SLC16A8: variants seen among roughly 807,000 people sequenced by gnomAD.
SLC16A8 encodes the protein monocarboxylate transporter 3.
Under a neutral mutation model 22.4 loss-of-function variants are expected in SLC16A8, and 20 were observed. That is an observed-to-expected ratio of 0.89 (90% CI 0.63 to 1.30). The LOEUF is 1.30. Among genes scored for constraint, SLC16A8 ranks in the 50% most tolerant of loss-of-function variants. The probability of loss-of-function intolerance (pLI) is 0.00; values close to 1 mark genes in which losing one functional copy is unlikely to be tolerated. For missense variants in SLC16A8, 817 were observed against 740.3 expected (o/e 1.10, Z -1.20); for synonymous variants, 393 against 358.8 (o/e 1.10, Z -1.08).
chr22:38,081,275 C>A lies in SLC16A8; in HGVS notation c.763G>T (p.Val255Leu), dbSNP rs1601970357. 3 of 1,578,970 alleles carry A rather than the reference C, an allele frequency of 1.9e-6. No homozygotes were observed. In the East Asian group the frequency reaches 7.0e-5, roughly 37 times the overall value. Residue 255 changes from valine (V) to leucine (L), a missense_variant, in exon 5 of 6, where the codon GTG becomes TTG. Physicochemically the swap from Val to Leu is conservative, Grantham distance 32. Coordinates refer to ENST00000681075, the MANE Select transcript of SLC16A8 (RefSeq NM_013356.3). ...ATCAGGAACTTGGTGACGGCGTACA[C>A]GGCGAAGGCGCGGTCGGTGCACACT... ...LAVCTDRAFA[V>L]YAVTKFLMAL...
In SLC16A8 at chr22:38,081,093, C is replaced by G. The variant is rs1331054800; in HGVS notation, c.945G>C (p.Leu315=). 2 of 1,557,726 alleles carry G rather than the reference C, an allele frequency of 1.3e-6. No individual in the cohort carries two copies. The highest frequency in any genetic ancestry group is 1.9e-5 in the Admixed American group (1 of 51,690). The change falls in exon 5 of 6, where the codon CTG becomes CTC. Residue 315 remains leucine (L), a synonymous_variant. Transcript: ENST00000681075. The part of the protein sequence containing the change: ...ACGALAGLAR[L]RPHVPYLFSL... ...TGAACAGATACGGGACGTGCGGCCG[C>G]AGACGCGCCAGGCCCGCCAGGGCGC...
At position 38,082,855 on chromosome 22, in the gene SLC16A8, G is replaced by T. The variant is rs753332179; in HGVS notation, c.19C>A (p.Arg7=). The T allele has an allele frequency of 1.3e-6, 2 of 1,550,082 alleles. No individual in the cohort carries two copies. The highest frequency in any genetic ancestry group is 2.7e-5 in the African/African-American group (2 of 73,914). Residue 7 remains arginine, a synonymous_variant, in exon 3 of 6, where the codon CGG becomes AGG. Transcript: ENST00000681075. MGAGGP[R]RGEGPPDGGW... ...CCGTCTGGGGGGCCCTCGCCCCGCC[G>T]GGGGCCGCCAGCGCCCATCGCTGCC...
chr22:38,083,790 T>C (rs1179984207), intron 1 of SLC16A8, among the ~76,000 whole-genome samples, 198 bp downstream of exon 1: 1 of 89,664 alleles, frequency 1.1e-5, no homozygotes, highest in Non-Finnish European at 2.3e-5. Context: ...GGGCTGGGGA[T>C]AGCCTCCTGC....
At position 38,081,264 on chromosome 22, in the gene SLC16A8, G is replaced by T. The variant is rs755856521; in HGVS notation, c.774C>A (p.Val258=). Residue 258 remains valine (V), a synonymous_variant, in exon 5 of 6, where the codon GTC becomes GTA. Transcript: ENST00000681075. ...GCCCGAGCGCCATCAGGAACTTGGT[G>T]ACGGCGTACACGGCGAAGGCGCGGT... ...CTDRAFAVYA[V]TKFLMALGLF... The T allele has an allele frequency of 1.0e-5, 16 of 1,585,876 alleles. No homozygotes were observed. The highest frequency in any genetic ancestry group is 1.4e-5 in the Non-Finnish European group (16 of 1,166,178).
Position 38,082,068 on chromosome 22 carries a change from G to A in SLC16A8, c.215-36C>T, listed in dbSNP as rs990668735. Reference sequence around the variant, plus strand: ...GGCAGGGTCACCACCCGGGTCCCGGGATGGCTTGAGTCCTCTAAGGAATAA... The same window carrying A: ...GGCAGGGTCACCACCCGGGTCCCGGAATGGCTTGAGTCCTCTAAGGAATAA... On this transcript the variant is annotated intron_variant, in intron 3 of 5. Transcript: ENST00000681075. 8 of 1,546,762 alleles carry A rather than the reference G, an allele frequency of 5.2e-6. No homozygotes were observed. The African/African-American group carries it at 9.6e-5, about 18-fold the overall frequency.
chr22:38,080,094 T>G (rs565029862), intron 5 of SLC16A8, among the ~76,000 whole-genome samples: 1 of 152,254 alleles, frequency 6.6e-6, no homozygotes, highest in African/African-American at 2.4e-5. Context: ...AAAGGCAGGC[T>G]CCCTTGCTGT....
rs1254717613 is a variant in SLC16A8, at chr22:38,081,427, G to A, written c.611C>T (p.Pro204Leu). The A allele has an allele frequency of 2.3e-6, 3 of 1,294,752 alleles. No homozygotes were observed. The highest frequency in any genetic ancestry group is 2.9e-6 in the Non-Finnish European group (3 of 1,028,204). The allele number at this position is 1,294,752 out of a possible 1,614,324, so 80.2% of individuals were successfully genotyped here. ...MRPPPGPGPR[P>L]RRDSAGDRAG... is the part of the protein sequence containing the mutation. ...GCGGTCGCCGGCGCTGTCCCTGCGC[G>A]GTCGCGGGCCCGGCCCGGGCGGCGG... is the stretch of plus-strand genomic sequence containing the variant. The change falls in exon 5 of 6, where the codon CCG (proline) becomes CTG (leucine). Residue 204 changes from proline (P) to leucine (L), a missense_variant. Physicochemically the swap from Pro to Leu is moderately conservative, Grantham distance 98. Transcript: ENST00000681075.
At chr22:38,079,628 A>G (rs980042096) in intron 5 of SLC16A8, among the ~76,000 whole-genome samples, 1 of 152,066 alleles carries the variant, frequency 6.6e-6, no homozygotes, top group Non-Finnish European at 1.5e-5. Context: ...GGGTTTTGCC[A>G]TGTTGCCCCG....
chr22:38,078,572 C>T lies in SLC16A8; in HGVS notation c.1331G>A (p.Gly444Asp). The T allele has an allele frequency of 6.2e-7, 1 of 1,614,176 alleles. No homozygotes were observed. The highest frequency in any genetic ancestry group is 8.5e-7 in the Non-Finnish European group (1 of 1,180,044). Residue 444 changes from glycine (G) to aspartate (D), a missense_variant, in exon 6 of 6, where the codon GGC (glycine) becomes GAC (aspartate). Gly to Asp is a moderately conservative substitution (Grantham distance 94). Coordinates refer to ENST00000681075, the MANE Select transcript of SLC16A8 (RefSeq NM_013356.3). ...ACTGGCTCCGCCCTCAGTGCCTGGG[C>T]CTGACGGGGCAGCTTTAGCACAACG... ...CLRCAKAAPS[G>D]PGTEGGASDT...
chr22:38,080,753 TGGAAGTTC>T, intron 5 of SLC16A8, 79 bp downstream of exon 5: 1 of 1,422,696 alleles, frequency 7.0e-7, no homozygotes, highest in East Asian at 2.6e-5. Context: ...CCCTCATCCC[TGGAAGTTC>T]CATCTGAGAC....
In SLC16A8 at chr22:38,078,433, T is replaced by C. The variant is rs1321156107; in HGVS notation, c.1470A>G (p.Glu490=). The change falls in exon 6 of 6, where the codon GAA becomes GAG. Residue 490 remains glutamate (E), a synonymous_variant. Transcript: ENST00000681075. Reference sequence around the variant, plus strand: ...GCCTCGGCCTCGCCTCTATTTCTGGTTCTGTGGGCTCGCCCCGGGCGCTGA... The same window carrying C: ...GCCTCGGCCTCGCCTCTATTTCTGGCTCTGTGGGCTCGCCCCGGGCGCTGA... The part of the protein sequence containing the change: ...EVLSARGEPT[E]PEIEARPRLA... 12 of 1,610,958 alleles carry C rather than the reference T, an allele frequency of 7.4e-6. No individual in the cohort carries two copies. Among genetic ancestry groups the C allele is most frequent in the Non-Finnish European group, 1.0e-5 (12 of 1,179,648 alleles).
At chr22:38,082,314 C>G (rs551364913) in intron 3 of SLC16A8, among the ~76,000 whole-genome samples, 125 of 152,386 alleles carry the variant, frequency 8.2e-4, no homozygotes, top group Non-Finnish European at 1.5e-3. Context: ...CTCCGCAGCC[C>G]CGCCTCCCAG....
intron 5 of SLC16A8, 50 bp from the exon 6 acceptor site, chr22:38,078,754 C>T (rs1207591478): frequency 6.5e-7 from 1 of 1,528,976 alleles, no homozygotes; most frequent in African/African-American, 1.4e-5. Flanking sequence ...GTGGGGTCCT[C>T]CCCTCACTCT....
rs1475252890 is a variant in SLC16A8 at position 38,083,973 on chromosome 22, TCA to T, written c.-329+13_-329+14del. The T allele has an allele frequency of 6.6e-6, 1 of 152,174 alleles. No individual in the cohort carries two copies. Among genetic ancestry groups the T allele is most frequent in the Non-Finnish European group, 1.5e-5 (1 of 68,068 alleles). The allele number at this position is 152,174 out of a possible 1,614,324, so 9.4% of individuals were successfully genotyped here. On this transcript the variant is annotated intron_variant, in intron 1 of 5. Coordinates refer to ENST00000681075, the MANE Select transcript of SLC16A8 (RefSeq NM_013356.3). Reference sequence around the variant, plus strand: ...ACAGGAGGGTGATCCCAGGCAGCCCTCACATCACACTCACCTGAGCCTGCCTC... The same window carrying T: ...ACAGGAGGGTGATCCCAGGCAGCCCTCATCACACTCACCTGAGCCTGCCTC...
intron 3 of SLC16A8, 86 bp downstream of exon 3, chr22:38,082,574 C>T: frequency 8.4e-7 from 1 of 1,186,136 alleles, no homozygotes; most frequent in Non-Finnish European, 1.2e-6. Flanking sequence ...CCCCGAGGGT[C>T]AGGGGGATGC....
chr22:38,080,952 C>G lies in SLC16A8; in HGVS notation c.1086G>C (p.Ala362=). The change falls in exon 5 of 6, where the codon GCG becomes GCC. Residue 362 remains alanine, a synonymous_variant. Transcript: ENST00000681075. ...AFGLSYGMVG[A]LQFEVLMAAV... is the part of the protein sequence containing the mutation. The stretch of plus-strand genomic sequence containing the variant: ...CCGCCATGAGCACCTCGAACTGCAG[C>G]GCGCCCACCATGCCGTAGGAGAGGC... The G allele has an allele frequency of 6.3e-7, 1 of 1,590,648 alleles. No individual in the cohort carries two copies. The highest frequency in any genetic ancestry group is 8.5e-7 in the Non-Finnish European group (1 of 1,174,140).
rs1405375923 is a variant in SLC16A8, at chr22:38,081,524, C to G, written c.514G>C (p.Gly172Arg). ...PLGQQLLERF[G>R]WRGGFLLLGG... ...AGCAGCAGGAAGCCGCCGCGCCAGC[C>G]GAAGCGCTCCAGCAGCTGCTGGCCG... The change falls in exon 5 of 6, where the codon GGC becomes CGC. Residue 172 changes from glycine (G) to arginine (R), a missense_variant. Coordinates refer to ENST00000681075, the MANE Select transcript of SLC16A8 (RefSeq NM_013356.3). 6 of 1,434,308 alleles carry G rather than the reference C, an allele frequency of 4.2e-6. No homozygotes were observed. The highest frequency in any genetic ancestry group is 3.1e-5 in the Admixed American group (1 of 32,434). 88.8% of individuals were successfully genotyped at this position (1,434,308 alleles called of 1,614,324 possible). A position where few individuals can be genotyped will look rare whatever the true frequency, so the allele number is the denominator to read the frequency against.
Position 38,081,017 on chromosome 22 carries a change from G to A in SLC16A8, c.1021C>T (p.Arg341Cys). The stretch of plus-strand genomic sequence containing the variant: ...AAGGCGACGAGGGCGCCGTAGGAGC[G>A]CGCGCGTGCGCTGCTCAGGTCTGTG... ...GLTDLSSARARSYGALVAFCV... is the reference protein window; with the variant it reads ...GLTDLSSARACSYGALVAFCV... Residue 341 changes from arginine to cysteine, a missense_variant, in exon 5 of 6, where the codon CGC (arginine) becomes TGC (cysteine). Coordinates refer to ENST00000681075, the MANE Select transcript of SLC16A8 (RefSeq NM_013356.3). 2 of 1,597,068 alleles carry A rather than the reference G, an allele frequency of 1.3e-6. No individual in the cohort carries two copies. The highest frequency in any genetic ancestry group is 1.7e-6 in the Non-Finnish European group (2 of 1,177,482).
intron 3 of SLC16A8, among the ~76,000 whole-genome samples, chr22:38,082,451 G>T (rs1284816524): frequency 1.3e-5 from 2 of 152,180 alleles, no homozygotes; most frequent in Non-Finnish European, 2.9e-5. Flanking sequence ...CTCTGAGCTC[G>T]CAGGGCAGCC....
Sources: gnomAD v4.1 joint callset for allele counts (sites outside exome capture counted in the v4.1 genomes callset) on GRCh38, gnomAD v4.1.1 for gene constraint, MANE v1.5 for transcripts, NCBI Gene and HGNC (gene_info 2026-07-23, HGNC 2026-07-21) for gene names.